Variants in PLAGL1 observed in about 807,000 individuals in gnomAD.
The protein encoded by PLAGL1 is zinc finger protein PLAGL1.
PLAGL1 carries 1 observed loss-of-function variant against 4.6 expected under a neutral mutation model. The ratio of observed to expected loss-of-function variants is 0.22; its 90% CI spans 0.08 to 1.03. The LOEUF (loss-of-function observed/expected upper bound fraction) is 1.03. PLAGL1 is among the 50% of genes least tolerant of loss of function. The pLI is 0.58. For synonymous variants in PLAGL1, 240 were observed against 237.8 expected, an observed-to-expected ratio of 1.01 and a Z score of -0.08; for missense variants, 464 against 570.4, an observed-to-expected ratio of 0.81 and a Z score of 1.90.
intron 1 of PLAGL1, among the ~76,000 whole-genome samples, chr6:144,002,488 T>C (rs1443410084): frequency 1.3e-5 from 2 of 152,140 alleles, no homozygotes; most frequent in Admixed American, 1.3e-4. Flanking sequence ...AAACCATTTT[T>C]TTTCCAGATG....
Position 144,004,166 on chromosome 6 carries a change from G to C in PLAGL1, c.-584+3924C>G, listed in dbSNP as rs9496835. 6.8e-6 allele frequency among the ~76,000 whole-genome samples: 1 copy of C among 147,938 alleles called. No homozygotes were observed. The highest frequency in any genetic ancestry group is 2.5e-5 in the African/African-American group (1 of 39,940). On this transcript the variant is annotated intron_variant, in intron 1 of 7. Transcript: ENST00000674357. The surrounding 1 kb of genome is among the most constrained non-coding windows in gnomAD (Gnocchi z 4.2). ...CAACTACTCAACTCTGCCAAATGGG[G>C]ATAACTATGTTCCAGTAATTTTTTT...
chr6:144,003,623 CAAA>C (rs371417312), intron 1 of PLAGL1, among the ~76,000 whole-genome samples: 5 of 118,172 alleles, frequency 4.2e-5, no homozygotes, highest in Admixed American at 8.8e-5. Context: ...GACTCCATCT[CAAA>C]AAAAAAAAAA....
At position 143,942,137 on chromosome 6, in the gene PLAGL1, T is replaced by C. The variant is rs17847328; in HGVS notation, c.679A>G (p.Thr227Ala). The change falls in exon 8 of 8, where the codon ACC (threonine) becomes GCC (alanine). Residue 227 changes from threonine to alanine, a missense_variant. Around this residue, in one of 4 missense-constraint regions of PLAGL1, gnomAD observed 248 missense variants for 250.1 expected, o/e 0.99. Transcript: ENST00000674357. This position sits in a 1 kb window ranked among gnomAD's most constrained non-coding sequence, Gnocchi z 7.6. The stretch of plus-strand genomic sequence containing the variant: ...TTCAGTTGGAATGAAGGCGAGATGG[T>C]GTGGAAGGTGCTCAGAAGGTCTCCG... ...QTGDLLSTFHTISPSFQLKAA... is the reference protein window; with the variant it reads ...QTGDLLSTFHAISPSFQLKAA... 5.5e-4 allele frequency: 885 copies of C among 1,614,092 alleles called. 13 individuals are homozygous for C. The East Asian group carries it at 0.018, about 34-fold the overall frequency.
Position 143,955,734 on chromosome 6 carries a change from C to A in PLAGL1, c.-325+4735G>T, listed in dbSNP as rs1781988326. On this transcript the variant is annotated intron_variant, in intron 6 of 7. Transcript: ENST00000674357. The surrounding 1 kb of genome is among the most constrained non-coding windows in gnomAD (Gnocchi z 4.9). Reference sequence around the variant, plus strand: ...CAGATTTCACTTTTTGATGGTAACTCTGGCAGGGACGTATAAGACATGCTG... The same window carrying A: ...CAGATTTCACTTTTTGATGGTAACTATGGCAGGGACGTATAAGACATGCTG... 6.6e-6 allele frequency among the ~76,000 whole-genome samples: 1 copy of A among 152,120 alleles called. No individual in the cohort carries two copies. Among genetic ancestry groups the A allele is most frequent in the Admixed American group, 6.5e-5 (1 of 15,270 alleles).
intron 2 of PLAGL1, among the ~76,000 whole-genome samples, chr6:143,976,204 G>A (rs1786487361): frequency 6.6e-6 from 1 of 151,332 alleles, no homozygotes; most frequent in South Asian, 2.1e-4. Context: ...TGCAGAGAAG[G>A]TGACATTTAT....
In PLAGL1 at chr6:144,064,437, C is replaced by A; in HGVS notation, c.-151+31G>T. 1 of 152,636 alleles carries A rather than the reference C, an allele frequency of 6.6e-6. No individual in the cohort carries two copies. Among genetic ancestry groups the A allele is most frequent in the South Asian group, 2.1e-4 (1 of 4,842 alleles). 9.5% of individuals were successfully genotyped at this position (152,636 alleles called of 1,614,324 possible). A position where few individuals can be genotyped will look rare whatever the true frequency, so the allele number is the denominator to read the frequency against. ...CCCGCTGCCAGCCAGTTCTCTCGCTCGCCCCTGCCTCACCTGCCTTTCCTA... is the reference window on the plus strand; with the variant it reads ...CCCGCTGCCAGCCAGTTCTCTCGCTAGCCCCTGCCTCACCTGCCTTTCCTA... On this transcript the variant is annotated intron_variant, in intron 1 of 3. Transcript: ENST00000437412. The surrounding 1 kb of genome is among the most constrained non-coding windows in gnomAD (Gnocchi z 6.8).
In PLAGL1 at chr6:143,941,700, T is replaced by A; in HGVS notation, c.1116A>T (p.Leu372=). Residue 372 remains leucine, a synonymous_variant, in exon 8 of 8, where the codon CTA becomes CTT. Coordinates refer to ENST00000674357, the MANE Select transcript of PLAGL1 (RefSeq NM_001317162.2). The surrounding 1 kb of genome is among the most constrained non-coding windows in gnomAD (Gnocchi z 6.0). ...PKELPADAVN[L]TIPASLDLSP... is the part of the protein sequence containing the mutation. ...ACAGGTCCAGAGAGGCAGGTATTGT[T>A]AGGTTCACAGCATCTGCAGGCAGCT... The A allele has an allele frequency of 6.2e-7, 1 of 1,614,198 alleles. No homozygotes were observed. Among genetic ancestry groups the A allele is most frequent in the Non-Finnish European group, 8.5e-7 (1 of 1,180,024 alleles).
At chr6:144,021,886 A>C (rs900864459) in intron 1 of PLAGL1, among the ~76,000 whole-genome samples, 2 of 152,224 alleles carry the variant, frequency 1.3e-5, no homozygotes, top group African/African-American at 4.8e-5. Flanking sequence ...GGAATCATAG[A>C]ACTGAAAACT....
upstream of PLAGL1, among the ~76,000 whole-genome samples, chr6:144,010,190 G>T (rs1296783337): frequency 2.0e-5 from 3 of 152,112 alleles, no homozygotes; most frequent in Admixed American, 2.0e-4. The surrounding 1 kb of genome is among the most constrained non-coding windows in gnomAD (Gnocchi z 4.1). Flanking sequence ...GTTGTTTCCT[G>T]ACTTTTTAAT....
In PLAGL1 at chr6:143,947,801, C is replaced by A. The variant is rs1333813720; in HGVS notation, c.152+184G>T. ...AATCTCTGTTGAAAGAATGAACTGA[C>A]ACTGCACAACAAGACGGTCACATAA... On this transcript the variant is annotated intron_variant, in intron 7 of 7. Coordinates refer to ENST00000674357, the MANE Select transcript of PLAGL1 (RefSeq NM_001317162.2). This position sits in a 1 kb window ranked among gnomAD's most constrained non-coding sequence, Gnocchi z 4.3. Among the ~76,000 whole-genome samples, 1 of 152,188 alleles carries A rather than the reference C, an allele frequency of 6.6e-6. No individual in the cohort carries two copies. The highest frequency in any genetic ancestry group is 2.4e-5 in the African/African-American group (1 of 41,448).
At position 143,942,205 on chromosome 6, in the gene PLAGL1, T is replaced by C. The variant is rs1483976024; in HGVS notation, c.611A>G (p.Lys204Arg). Residue 204 changes from lysine (K) to arginine (R), a missense_variant, in exon 8 of 8, where the codon AAG (lysine) becomes AGG (arginine). Lys to Arg is a conservative substitution (Grantham distance 26). Coordinates refer to ENST00000674357, the MANE Select transcript of PLAGL1 (RefSeq NM_001317162.2). This position sits in a 1 kb window ranked among gnomAD's most constrained non-coding sequence, Gnocchi z 7.6. ...CATCAGCTCCTGTGAGTGGGTCTTCTTGGTATGCCGGGTGAGGTGATCCTT... is the reference window on the plus strand; with the variant it reads ...CATCAGCTCCTGTGAGTGGGTCTTCCTGGTATGCCGGGTGAGGTGATCCTT... ...GRKDHLTRHTKKTHSQELMKE... is the reference protein window; with the variant it reads ...GRKDHLTRHTRKTHSQELMKE... The C allele has an allele frequency of 1.9e-6, 3 of 1,614,138 alleles. No individual in the cohort carries two copies. Among genetic ancestry groups the C allele is most frequent in the Non-Finnish European group, 2.5e-6 (3 of 1,180,006 alleles).
At chr6:143,987,051 C>A (rs1045303116) in intron 1 of PLAGL1, among the ~76,000 whole-genome samples, 1 of 152,014 alleles carries the variant, frequency 6.6e-6, no homozygotes, top group Admixed American at 6.6e-5. Flanking sequence ...TTCATTACTT[C>A]GTTAACACTG....
Position 144,039,803 on chromosome 6 carries a change from C to G in PLAGL1, c.-151+24665G>C, listed in dbSNP as rs1266707631. Among the ~76,000 whole-genome samples, 1 of 152,012 alleles carries G rather than the reference C, an allele frequency of 6.6e-6. No homozygotes were observed. The highest frequency in any genetic ancestry group is 2.4e-5 in the African/African-American group (1 of 41,366). ...TAGACATATTTATGCATATGTACACCAAGATATATCTGCAAGAATGTTCAC... is the reference window on the plus strand; with the variant it reads ...TAGACATATTTATGCATATGTACACGAAGATATATCTGCAAGAATGTTCAC... On this transcript the variant is annotated intron_variant, in intron 1 of 3. Transcript: ENST00000437412. The surrounding 1 kb of genome is among the most constrained non-coding windows in gnomAD (Gnocchi z 4.1).
rs1790071269 is a variant in PLAGL1 at position 143,989,935 on chromosome 6, T to C, written c.-583-4761A>G. Among the ~76,000 whole-genome samples, 1 of 152,174 alleles carries C rather than the reference T, an allele frequency of 6.6e-6. No individual in the cohort carries two copies. Among genetic ancestry groups the C allele is most frequent in the Non-Finnish European group, 1.5e-5 (1 of 68,032 alleles). On this transcript the variant is annotated intron_variant, in intron 1 of 7. Transcript: ENST00000674357. The surrounding 1 kb of genome is among the most constrained non-coding windows in gnomAD (Gnocchi z 4.8). ...GCTTCTGTGAGAAAACAAAAGCTGT[T>C]GGATAGGGCATCTCTGCCTTCTATC...
chr6:144,046,909 A>T (rs1798196154), intron 1 of PLAGL1, among the ~76,000 whole-genome samples: 1 of 151,638 alleles, frequency 6.6e-6, no homozygotes, highest in Non-Finnish European at 1.5e-5. Context: ...AATAGCGGAC[A>T]CCCCTCCCCC....
chr6:144,010,897 A>G (rs923746022), upstream of PLAGL1, among the ~76,000 whole-genome samples: 3 of 152,242 alleles, frequency 2.0e-5, no homozygotes, highest in Non-Finnish European at 1.5e-5. This position sits in a 1 kb window ranked among gnomAD's most constrained non-coding sequence, Gnocchi z 4.1. Flanking sequence ...AAAACTGGTT[A>G]GCCATATGCA....
intron 1 of PLAGL1, among the ~76,000 whole-genome samples, chr6:143,999,456 C>T (rs1475701826): frequency 6.6e-6 from 1 of 152,184 alleles, no homozygotes; most frequent in Non-Finnish European, 1.5e-5. Context: ...ATAAAACACG[C>T]AGAAAAGCTA....
chr6:144,045,236 C>CTGGTTG (rs963912530), intron 1 of PLAGL1, among the ~76,000 whole-genome samples: 1 of 151,992 alleles, frequency 6.6e-6, no homozygotes. Context: ...ATGATGTTAG[C>CTGGTTG]TGGTTGTTTT....
rs971644685 is a variant in PLAGL1 at position 144,063,448 on chromosome 6, G to A, written c.-151+1020C>T. Among the ~76,000 whole-genome samples the A allele has an allele frequency of 5.9e-5, 9 of 152,152 alleles. No homozygotes were observed. The highest frequency in any genetic ancestry group is 5.9e-4 in the Admixed American group (9 of 15,284). ...CCCCTCACGTGATTCAGGACATCTG[G>A]GGTGGGCCCAATAGGTGTGTTCTGA... On this transcript the variant is annotated intron_variant, in intron 1 of 3. Transcript: ENST00000437412. The surrounding 1 kb of genome is among the most constrained non-coding windows in gnomAD (Gnocchi z 5.7).
Sources: allele counts gnomAD v4.1 joint callset (sites outside exome capture counted in the v4.1 genomes callset), GRCh38; gene constraint gnomAD v4.1.1; regional missense constraint gnomAD v4.1.1; non-coding constraint Gnocchi (gnomAD v3.1); transcripts MANE v1.5; gene names NCBI Gene and HGNC (gene_info 2026-07-23, HGNC 2026-07-21).